Variants in FTO observed in about 807,000 individuals in gnomAD.
FTO encodes the protein alpha-ketoglutarate-dependent dioxygenase FTO.
FTO carries 47 observed loss-of-function variants against 63.9 expected under a neutral mutation model. The ratio of observed to expected loss-of-function variants is 0.74; its 90% CI spans 0.58 to 0.94. The LOEUF (loss-of-function observed/expected upper bound fraction) is 0.94, where lower values mean the gene tolerates loss of function less well. FTO is among the 40% of genes least tolerant of loss of function. The pLI is 0.00. For missense variants in FTO, 562 were observed against 618.1 expected (o/e 0.91, Z 0.96); for synonymous variants, 207 against 224.4 (o/e 0.92, Z 0.69).
At chr16:53,976,533 A>AATT (rs2083441999) in intron 8 of FTO, among the ~76,000 whole-genome samples, 1 of 151,904 alleles carries the variant, frequency 6.6e-6, no homozygotes, top group Non-Finnish European at 1.5e-5. Flanking sequence ...TTTTCTTTTT[A>AATT]GAAAATTTCG....
intron 8 of FTO, chr16:54,071,130 A>G (rs1444466815): frequency 1.3e-5 from 2 of 152,228 alleles, no homozygotes; most frequent in East Asian, 3.8e-4. Flanking sequence ...GGAAAAGAGA[A>G]GTGAAACAAA....
At chr16:53,726,856 C>T (rs1040688378) in intron 1 of FTO, among the ~76,000 whole-genome samples, 1 of 152,192 alleles carries the variant, frequency 6.6e-6, no homozygotes, top group African/African-American at 2.4e-5. Context: ...TGGTGAATGA[C>T]AGGCATTGGC....
intron 8 of FTO, among the ~76,000 whole-genome samples, chr16:54,093,604 C>T (rs2086448094): frequency 6.6e-6 from 1 of 152,182 alleles, no homozygotes; most frequent in African/African-American, 2.4e-5. Flanking sequence ...TTTGCAGGAG[C>T]TGGAAAGGTG....
intron 8 of FTO, among the ~76,000 whole-genome samples, chr16:53,951,101 T>C (rs2143521420): frequency 6.6e-6 from 1 of 152,340 alleles, no homozygotes; most frequent in South Asian, 2.1e-4. Context: ...TCTTTTCTTA[T>C]ACCAAATGTA....
chr16:53,951,746 G>A (rs1240990571), intron 8 of FTO, among the ~76,000 whole-genome samples: 1 of 151,632 alleles, frequency 6.6e-6, no homozygotes, highest in African/African-American at 2.4e-5. Context: ...GGTTAGAAAA[G>A]CATAATTAGA....
intron 7 of FTO, among the ~76,000 whole-genome samples, chr16:53,895,670 T>C (rs1278976660): frequency 6.6e-6 from 1 of 152,180 alleles, no homozygotes; most frequent in Non-Finnish European, 1.5e-5. Flanking sequence ...GGGTAGGACT[T>C]TCTGTTTTTA....
chr16:53,838,443 T>C (rs1046449941), intron 3 of FTO, among the ~76,000 whole-genome samples: 5 of 152,022 alleles, frequency 3.3e-5, no homozygotes, highest in African/African-American at 1.2e-4. Context: ...TCTGAGTAGC[T>C]GGGATTACAG....
At chr16:53,891,164 T>C (rs1295218645) in intron 7 of FTO, among the ~76,000 whole-genome samples, 1 of 151,908 alleles carries the variant, frequency 6.6e-6, no homozygotes, top group Non-Finnish European at 1.5e-5. Flanking sequence ...CTAATTTTGG[T>C]ATTTTTTAGT....
chr16:53,802,272 T>C (rs2078247828), intron 1 of FTO, among the ~76,000 whole-genome samples: 1 of 152,194 alleles, frequency 6.6e-6, no homozygotes, highest in South Asian at 2.1e-4. Context: ...TAGTACCTAA[T>C]ACAATATAAA....
At chr16:54,073,907 G>T (rs75293528) in intron 8 of FTO, among the ~76,000 whole-genome samples, 1 of 152,102 alleles carries the variant, frequency 6.6e-6, no homozygotes, top group Non-Finnish European at 1.5e-5. Context: ...GCCGATTTGT[G>T]TTTCTTCTAT....
At chr16:53,959,482 A>G (rs1334572697) in intron 8 of FTO, among the ~76,000 whole-genome samples, 3 of 152,104 alleles carry the variant, frequency 2.0e-5, no homozygotes, top group African/African-American at 7.2e-5. Flanking sequence ...TGCTTTGAGA[A>G]TGTCAGTAGT....
chr16:54,082,925 G>T (rs116035502), intron 8 of FTO, among the ~76,000 whole-genome samples: 73 of 152,194 alleles, frequency 4.8e-4, no homozygotes, highest in African/African-American at 1.7e-3. Context: ...TAGAAAACAG[G>T]ACATGTCACA....
intron 4 of FTO, among the ~76,000 whole-genome samples, chr16:53,857,963 A>G (rs2080056111): frequency 6.6e-6 from 1 of 151,742 alleles, no homozygotes; most frequent in South Asian, 2.1e-4. Context: ...CTGTTTAGTG[A>G]TAAGAAAACA....
At chr16:53,920,638 G>A (rs575699715) in intron 7 of FTO, among the ~76,000 whole-genome samples, 7 of 152,224 alleles carry the variant, frequency 4.6e-5, no homozygotes, top group East Asian at 3.9e-4. Flanking sequence ...AGTATGGAAC[G>A]CGTCCCTTGT....
At chr16:54,089,574 A>T (rs1701409652) in intron 8 of FTO, among the ~76,000 whole-genome samples, 1 of 152,210 alleles carries the variant, frequency 6.6e-6, no homozygotes, top group Admixed American at 6.5e-5. Context: ...ATGCATCAAG[A>T]ATGCTACCAA....
intron 1 of FTO, among the ~76,000 whole-genome samples, chr16:53,754,796 C>G (rs2151581948): frequency 6.6e-6 from 1 of 152,348 alleles, no homozygotes; most frequent in South Asian, 2.1e-4. Flanking sequence ...ATTTTATTTA[C>G]TTTCATGATT....
At chr16:53,891,821 T>C (rs1298983494) in intron 7 of FTO, among the ~76,000 whole-genome samples, 1 of 152,188 alleles carries the variant, frequency 6.6e-6, no homozygotes, top group Non-Finnish European at 1.5e-5. Flanking sequence ...TATCTGTTAT[T>C]TGTTTTGTCG....
chr16:53,911,833 C>T (rs1242878464), intron 7 of FTO, among the ~76,000 whole-genome samples: 1 of 152,138 alleles, frequency 6.6e-6, no homozygotes, highest in African/African-American at 2.4e-5. Context: ...GGGCTCTGGC[C>T]GTGGTTTTGC....
intron 8 of FTO, among the ~76,000 whole-genome samples, chr16:53,978,309 T>C (rs1379157314): frequency 1.3e-5 from 2 of 152,214 alleles, no homozygotes; most frequent in Admixed American, 6.5e-5. Context: ...ACAGCAGTCT[T>C]TGGATGCCAG....
Sources: gnomAD v4.1 joint callset for allele counts (sites outside exome capture counted in the v4.1 genomes callset) on GRCh38, gnomAD v4.1.1 for gene constraint, MANE v1.5 for transcripts, NCBI Gene and HGNC (gene_info 2026-07-23, HGNC 2026-07-21) for gene names.